The following MRPS26 variants were observed in gnomAD, a reference collection of about 807,000 sequenced individuals.
MRPS26 encodes small ribosomal subunit protein mS26.
In MRPS26, 26 loss-of-function variants were observed where a neutral mutation model predicts 22.7. That is an observed-to-expected ratio of 1.15 (90% confidence interval 0.84 to 1.59). MRPS26 has a LOEUF of 1.59. Ranked by LOEUF, MRPS26 falls within the 40% of genes most tolerant of loss-of-function variation. The pLI, the probability that MRPS26 is intolerant of heterozygous loss-of-function variation, is 0.00. For synonymous variants in MRPS26, 120 were observed against 124.0 expected, an observed-to-expected ratio of 0.97 and a Z score of 0.22; for missense variants, 291 against 287.7, an observed-to-expected ratio of 1.01 and a Z score of -0.08.
At position 3,047,976 on chromosome 20, in the gene MRPS26, G is replaced by A; in HGVS notation, c.*107G>A. 2 of 1,351,164 alleles carry A rather than the reference G, an allele frequency of 1.5e-6. No individual in the cohort carries two copies. Among genetic ancestry groups the A allele is most frequent in the Non-Finnish European group, 2.0e-6 (2 of 1,017,522 alleles). 83.7% of individuals were successfully genotyped at this position (1,351,164 alleles called of 1,614,324 possible). A position where few individuals can be genotyped will look rare whatever the true frequency, so the allele number is the denominator to read the frequency against. ...TGGTGTTGCTTATGAGGAAGGTTCA[G>A]CCTTATCCAGCACAGCCTTCACGTT... On this transcript the variant is annotated 3_prime_UTR_variant, in exon 4 of 4. Transcript: ENST00000380325.
rs780852714 is a variant in MRPS26 at position 3,046,393 on chromosome 20, T to G, written c.233T>G (p.Val78Gly). The change falls in exon 2 of 4, where the codon GTG becomes GGG. Residue 78 changes from valine (V) to glycine (G), a missense_variant. Transcript: ENST00000380325. ...CCCAGGATGGAGTTCGTGTCCGAGGTGCAGAGGAAGGTGCACGAGGCCCGA... is the reference window on the plus strand; with the variant it reads ...CCCAGGATGGAGTTCGTGTCCGAGGGGCAGAGGAAGGTGCACGAGGCCCGA... ...RALRMEFVSE[V>G]QRKVHEARAG... is the part of the protein sequence containing the mutation. 1.7e-5 allele frequency: 28 copies of G among 1,608,572 alleles called. No homozygotes were observed. Among genetic ancestry groups the G allele is most frequent in the Non-Finnish European group, 1.7e-5 (20 of 1,178,720 alleles).
Position 3,046,679 on chromosome 20 carries a change from A to G in MRPS26, c.425A>G (p.Lys142Arg). ...EQRQALEQAR[K>R]AEEVQAWAQR... ...CGGCAGGCGTTGGAGCAGGCCCGCA[A>G]GGCCGAAGAGGTGCAGGCCTGGGCG... The change falls in exon 3 of 4, where the codon AAG becomes AGG. Residue 142 changes from lysine to arginine, a missense_variant. Coordinates refer to ENST00000380325, the MANE Select transcript of MRPS26 (RefSeq NM_030811.4). The G allele has an allele frequency of 6.5e-7, 1 of 1,545,508 alleles. No homozygotes were observed. Among genetic ancestry groups the G allele is most frequent in the Non-Finnish European group, 8.7e-7 (1 of 1,145,784 alleles).
intron 2 of MRPS26, 21 bp downstream of exon 2, chr20:3,046,540 G>GGCGGGGCGGC (rs2065989446): frequency 2.0e-6 from 3 of 1,514,316 alleles, no homozygotes; most frequent in Admixed American, 4.3e-5. Context: ...CGGGAGGCGG[G>GGCGGGGCGGC]GCGGGGCGGC....
At chr20:3,046,780 G>A in intron 3 of MRPS26, 43 bp downstream of exon 3, 1 of 1,525,382 alleles carries the variant, frequency 6.6e-7, no homozygotes, top group Non-Finnish European at 8.8e-7. Flanking sequence ...CCGGGGACGC[G>A]GCTTGCGGGG....
intron 2 of MRPS26, 37 bp from the exon 3 acceptor site, chr20:3,046,577 C>T (rs1382933768): frequency 8.5e-6 from 13 of 1,529,982 alleles, no homozygotes; most frequent in South Asian, 4.8e-5. Context: ...GGGAGAAGCC[C>T]GGGCCCCGCT....
In MRPS26 at chr20:3,046,365, G is replaced by A. The variant is rs2065988194; in HGVS notation, c.213-8G>A. 1 of 1,608,648 alleles carries A rather than the reference G, an allele frequency of 6.2e-7. No individual in the cohort carries two copies. The highest frequency in any genetic ancestry group is 8.5e-7 in the Non-Finnish European group (1 of 1,178,702). ...GAGGGTGCTGATTCCTGGCGCGTCT[G>A]CACCCAGGATGGAGTTCGTGTCCGA... On this transcript the variant is annotated splice_polypyrimidine_tract_variant and splice_region_variant and intron_variant, in intron 1 of 3. Coordinates refer to ENST00000380325, the MANE Select transcript of MRPS26 (RefSeq NM_030811.4).
intron 3 of MRPS26, among the ~76,000 whole-genome samples, chr20:3,046,985 A>G (rs1464770923): frequency 1.3e-5 from 2 of 152,238 alleles, no homozygotes; most frequent in Non-Finnish European, 2.9e-5. Flanking sequence ...TGTATTTTGC[A>G]TAACAGGTGA....
rs185033870 is a variant in MRPS26 at position 3,046,334 on chromosome 20, G to A, written c.213-39G>A. ...GCGCGCGCTGGTGACGGTGGGAGTG[G>A]GCGGAGAGGGTGCTGATTCCTGGCG... On this transcript the variant is annotated intron_variant, in intron 1 of 3. Coordinates refer to ENST00000380325, the MANE Select transcript of MRPS26 (RefSeq NM_030811.4). The A allele has an allele frequency of 6.7e-4, 1,076 of 1,606,078 alleles. 11 individuals carry two copies. In the African/African-American group the frequency reaches 0.013, roughly 19 times the overall value.
In MRPS26 at chr20:3,047,771, G is replaced by A. The variant is rs146784528; in HGVS notation, c.520G>A (p.Glu174Lys). The A allele has an allele frequency of 5.6e-6, 9 of 1,613,894 alleles. No individual in the cohort carries two copies. Among genetic ancestry groups the A allele is most frequent in the Middle Eastern group, 1.7e-4 (1 of 6,060 alleles). ...AAACTTCATCACCCGAGAGAACCTG[G>A]AGGCACGGGTGGAAGCAGCATTGGA... The part of the protein sequence containing the change: ...VKNFITRENL[E>K]ARVEAALDSR... Residue 174 changes from glutamate to lysine, a missense_variant, in exon 4 of 4, where the codon GAG (glutamate) becomes AAG (lysine). Coordinates refer to ENST00000380325, the MANE Select transcript of MRPS26 (RefSeq NM_030811.4).
At position 3,046,185 on chromosome 20, in the gene MRPS26, C is replaced by A. The variant is rs1246066728; in HGVS notation, c.117C>A (p.Ile39=). 6.2e-7 allele frequency: 1 copy of A among 1,600,354 alleles called. No individual in the cohort carries two copies. The highest frequency in any genetic ancestry group is 1.7e-5 in the Admixed American group (1 of 59,992). ...TRHDPLAKSK[I]ERVNMPPAVD... ...ACGACCCGCTGGCCAAATCCAAGAT[C>A]GAGCGAGTGAACATGCCGCCCGCGG... The change falls in exon 1 of 4, where the codon ATC becomes ATA. Residue 39 remains isoleucine (I), a synonymous_variant. Transcript: ENST00000380325.
Position 3,046,250 on chromosome 20 carries a change from A to T in MRPS26, c.182A>T (p.Gln61Leu). 6.2e-7 allele frequency: 1 copy of T among 1,606,876 alleles called. No individual in the cohort carries two copies. The highest frequency in any genetic ancestry group is 8.5e-7 in the Non-Finnish European group (1 of 1,179,566). ...TTCTTCGTGCTGATGGAGCGTTACC[A>T]GCACTACCGCCAGACCGTGCGCGCC... ...AEFFVLMERY[Q>L]HYRQTVRALR... Residue 61 changes from glutamine to leucine, a missense_variant, in exon 1 of 4, where the codon CAG becomes CTG. Transcript: ENST00000380325.
rs777131897 is a variant in MRPS26, at chr20:3,046,377, G to C, written c.217G>C (p.Glu73Gln). The C allele has an allele frequency of 2.5e-6, 4 of 1,609,188 alleles. No homozygotes were observed. In the East Asian group the frequency reaches 8.9e-5, roughly 36 times the overall value. ...YRQTVRALRM[E>Q]FVSEVQRKVH... Reference sequence around the variant, plus strand: ...TCCTGGCGCGTCTGCACCCAGGATGGAGTTCGTGTCCGAGGTGCAGAGGAA... The same window carrying C: ...TCCTGGCGCGTCTGCACCCAGGATGCAGTTCGTGTCCGAGGTGCAGAGGAA... The change falls in exon 2 of 4, where the codon GAG becomes CAG. Residue 73 changes from glutamate to glutamine, a missense_variant. Coordinates refer to ENST00000380325, the MANE Select transcript of MRPS26 (RefSeq NM_030811.4).
At chr20:3,047,421 G>C (rs955736848) in intron 3 of MRPS26, among the ~76,000 whole-genome samples, 2 of 152,060 alleles carry the variant, frequency 1.3e-5, no homozygotes, top group Admixed American at 1.3e-4. Flanking sequence ...TAAAGTAATG[G>C]GGGGAAGGAT....
intron 1 of MRPS26, 33 bp downstream of exon 1, chr20:3,046,313 G>A (rs780825258): frequency 1.9e-6 from 3 of 1,604,998 alleles, no homozygotes; most frequent in Non-Finnish European, 2.5e-6. Context: ...CCGCCCGCGC[G>A]CGCTGGTGAC....
At position 3,046,509 on chromosome 20, in the gene MRPS26, C is replaced by T; in HGVS notation, c.349C>T (p.His117Tyr). 1 of 1,553,510 alleles carries T rather than the reference C, an allele frequency of 6.4e-7. No homozygotes were observed. Among genetic ancestry groups the T allele is most frequent in the Non-Finnish European group, 8.7e-7 (1 of 1,155,508 alleles). Residue 117 changes from histidine to tyrosine, a missense_variant, in exon 2 of 4, where the codon CAC becomes TAC. By Grantham distance (83) the His-to-Tyr change is moderately conservative. Coordinates refer to ENST00000380325, the MANE Select transcript of MRPS26 (RefSeq NM_030811.4). ...AWNQAENRRL[H>Y]ELRIARLRQE... ...GAACCAGGCGGAGAACCGGCGGCTG[C>T]ACGAGCTGCGGTGCGTGGGGCGGGA...
rs1431833389 is a variant in MRPS26 at position 3,048,077 on chromosome 20, C to T, written c.*208C>T. On this transcript the variant is annotated 3_prime_UTR_variant, in exon 4 of 4. Transcript: ENST00000380325. This position sits in a 1 kb window ranked among gnomAD's most constrained non-coding sequence, Gnocchi z 4.1. ...GTTCTGCCGGTGTGTACAGCCTCAG[C>T]GCACCAGGAGACCCTAGAGTGGTTT... 9.6e-6 allele frequency: 5 copies of T among 522,068 alleles called. No individual in the cohort carries two copies. The highest frequency in any genetic ancestry group is 1.6e-5 in the Non-Finnish European group (5 of 311,876). 32.3% of individuals were successfully genotyped at this position (522,068 alleles called of 1,614,324 possible). A position where few individuals can be genotyped will look rare whatever the true frequency, so the allele number is the denominator to read the frequency against.
At position 3,046,517 on chromosome 20, in the gene MRPS26, G is replaced by T; in HGVS notation, c.357G>T (p.Leu119=). ...NQAENRRLHE[L]RIARLRQEER... Reference sequence around the variant, plus strand: ...CGGAGAACCGGCGGCTGCACGAGCTGCGGTGCGTGGGGCGGGAGGCGGGGC... The same window carrying T: ...CGGAGAACCGGCGGCTGCACGAGCTTCGGTGCGTGGGGCGGGAGGCGGGGC... The change falls in exon 2 of 4, where the codon CTG becomes CTT. Residue 119 remains leucine, a splice_region_variant and synonymous_variant. Transcript: ENST00000380325. The T allele has an allele frequency of 6.5e-7, 1 of 1,545,268 alleles. No individual in the cohort carries two copies. Among genetic ancestry groups the T allele is most frequent in the Non-Finnish European group, 8.7e-7 (1 of 1,150,908 alleles).
rs567280381 is a variant in MRPS26, at chr20:3,047,151, A to G, written c.483+414A>G. On this transcript the variant is annotated intron_variant, in intron 3 of 3. Transcript: ENST00000380325. ...AGCGGTGGTTCACGCCTGTAATCCC[A>G]GTACTATGGGAGGCCGAAGCGGGCG... 2.7e-3 allele frequency among the ~76,000 whole-genome samples: 414 copies of G among 152,318 alleles called. 1 individual carries two copies. The highest frequency in any genetic ancestry group is 9.3e-3 in the African/African-American group (388 of 41,574).
intron 3 of MRPS26, 61 bp from the exon 4 acceptor site, chr20:3,047,674 G>A (rs2065995423): frequency 1.2e-6 from 2 of 1,603,280 alleles, no homozygotes; most frequent in African/African-American, 1.3e-5. Context: ...CCAGCAGGCT[G>A]GGTGGGCTGG....
Sources: gnomAD v4.1 joint callset for allele counts (sites outside exome capture counted in the v4.1 genomes callset) on GRCh38, gnomAD v4.1.1 for gene constraint, Gnocchi (gnomAD v3.1) non-coding constraint, MANE v1.5 for transcripts, NCBI Gene and HGNC (gene_info 2026-07-23, HGNC 2026-07-21) for gene names.